SYN2: variants seen among roughly 807,000 people sequenced by gnomAD.
SYN2 encodes synapsin-2.
In SYN2, 19 loss-of-function variants were observed where a neutral mutation model predicts 50.9. The ratio of observed to expected loss-of-function variants is 0.37; its 90% confidence interval spans 0.26 to 0.55. The LOEUF (loss-of-function observed/expected upper bound fraction) is 0.55. Among genes scored for constraint, SYN2 ranks in the 20% least tolerant of loss-of-function variants. The pLI, the probability that SYN2 is intolerant of heterozygous loss-of-function variation, is 0.81. For synonymous variants in SYN2, 255 were observed against 224.9 expected, an observed-to-expected ratio of 1.13 and a Z score of -1.20; for missense variants, 587 against 576.4, an observed-to-expected ratio of 1.02 and a Z score of -0.19.
intron 1 of SYN2, among the ~76,000 whole-genome samples, chr3:12,023,433 T>G (rs1694188671): frequency 6.6e-6 from 1 of 151,924 alleles, no homozygotes. Flanking sequence ...GTGTAAGACT[T>G]CTTTAGCTTT....
chr3:12,124,822 G>C (rs1217253133), intron 1 of SYN2, among the ~76,000 whole-genome samples: 1 of 152,160 alleles, frequency 6.6e-6, no homozygotes, highest in Non-Finnish European at 1.5e-5. Context: ...TGTTAATTCA[G>C]AGTAGTTATC....
chr3:12,005,533 T>C (rs1693782705), intron 1 of SYN2, among the ~76,000 whole-genome samples: 1 of 150,960 alleles, frequency 6.6e-6, no homozygotes. Flanking sequence ...TTATGAATAA[T>C]AAAATTGTTG....
At chr3:12,082,557 C>G (rs1384225010) in intron 1 of SYN2, among the ~76,000 whole-genome samples, 1 of 152,208 alleles carries the variant, frequency 6.6e-6, no homozygotes, top group Non-Finnish European at 1.5e-5. Flanking sequence ...AAGGCCTTTC[C>G]AAAGTGCTAA....
chr3:12,129,636 C>T (rs943747357), intron 1 of SYN2, among the ~76,000 whole-genome samples: 1 of 152,072 alleles, frequency 6.6e-6, no homozygotes, highest in African/African-American at 2.4e-5. Context: ...ATGTAAATGG[C>T]TATTTGTTTT....
At chr3:12,111,874 G>T (rs1287153904) in intron 1 of SYN2, among the ~76,000 whole-genome samples, 1 of 152,124 alleles carries the variant, frequency 6.6e-6, no homozygotes, top group African/African-American at 2.4e-5. Context: ...GTATTATTTT[G>T]GGATGCCCAC....
intron 1 of SYN2, among the ~76,000 whole-genome samples, chr3:12,061,477 A>G (rs1357906538): frequency 1.3e-5 from 2 of 152,110 alleles, no homozygotes; most frequent in African/African-American, 4.8e-5. Context: ...CTTTCTCCCT[A>G]AGATTGAGAA....
chr3:12,020,250 T>G (rs932491802), intron 1 of SYN2, among the ~76,000 whole-genome samples: 1 of 152,184 alleles, frequency 6.6e-6, no homozygotes, highest in Non-Finnish European at 1.5e-5. Flanking sequence ...CAGAGTGGCA[T>G]CAGACTTAAA....
chr3:12,082,456 G>A (rs1477322787), intron 1 of SYN2, among the ~76,000 whole-genome samples: 1 of 152,202 alleles, frequency 6.6e-6, no homozygotes, highest in Non-Finnish European at 1.5e-5. Context: ...CTCAGATGCC[G>A]GCCAAAGGCC....
intron 1 of SYN2, among the ~76,000 whole-genome samples, chr3:12,042,247 C>T (rs975469847): frequency 2.0e-5 from 3 of 152,102 alleles, no homozygotes; most frequent in Non-Finnish European, 4.4e-5. Context: ...TCACAAAATG[C>T]TCTCACATTT....
chr3:12,170,284 C>T (rs963554334), intron 10 of SYN2, among the ~76,000 whole-genome samples: 1 of 152,230 alleles, frequency 6.6e-6, no homozygotes, highest in Non-Finnish European at 1.5e-5. Context: ...CTATTCACTG[C>T]TTCACTGTGT....
intron 1 of SYN2, among the ~76,000 whole-genome samples, chr3:12,093,749 T>G (rs1695875287): frequency 6.6e-6 from 1 of 152,232 alleles, no homozygotes; most frequent in Non-Finnish European, 1.5e-5. Flanking sequence ...GCTGATATCC[T>G]TACTCTATAT....
intron 2 of SYN2, among the ~76,000 whole-genome samples, chr3:12,141,090 A>G (rs1235213970): frequency 6.6e-6 from 1 of 152,186 alleles, no homozygotes; most frequent in African/African-American, 2.4e-5. Context: ...TCTGCCTTTC[A>G]GGTATGCTGC....
intron 1 of SYN2, among the ~76,000 whole-genome samples, chr3:12,022,712 C>G (rs1396214660): frequency 6.6e-6 from 1 of 151,020 alleles, no homozygotes; most frequent in African/African-American, 2.4e-5. Flanking sequence ...CTGGCCTATT[C>G]TTTAAATTTT....
At position 12,190,817 on chromosome 3, in the gene SYN2, C is replaced by T. The variant is rs1698431561; in HGVS notation, c.*192C>T. Reference sequence around the variant, plus strand: ...GACAGTCTCAGGGCAGGTGCCTACCCAGCAAGGGGTACCTGGCATCAGAGA... The same window carrying T: ...GACAGTCTCAGGGCAGGTGCCTACCTAGCAAGGGGTACCTGGCATCAGAGA... On this transcript the variant is annotated 3_prime_UTR_variant, in exon 13 of 13. Coordinates refer to ENST00000621198, the MANE Select transcript of SYN2 (RefSeq NM_133625.6). 3 of 1,351,296 alleles carry T rather than the reference C, an allele frequency of 2.2e-6. No individual in the cohort carries two copies. Among genetic ancestry groups the T allele is most frequent in the Non-Finnish European group, 2.8e-6 (3 of 1,058,888 alleles). 83.7% of individuals were successfully genotyped at this position (1,351,296 alleles called of 1,614,324 possible). A position where few individuals can be genotyped will look rare whatever the true frequency, so the allele number is the denominator to read the frequency against.
chr3:12,170,978 T>C (rs1574883324), intron 10 of SYN2, among the ~76,000 whole-genome samples: 1 of 152,234 alleles, frequency 6.6e-6, no homozygotes, highest in African/African-American at 2.4e-5. Flanking sequence ...CCCACTGATA[T>C]CTAGAGACCT....
chr3:12,171,284 C>T (rs1215573412), intron 10 of SYN2, among the ~76,000 whole-genome samples: 1 of 152,080 alleles, frequency 6.6e-6, no homozygotes, highest in African/African-American at 2.4e-5. Context: ...AAAAAAATAT[C>T]AGGCCTATGG....
chr3:12,161,972 G>A lies in SYN2; in HGVS notation c.838-40G>A, dbSNP rs1394596698. ...GTGACTTCTCAGTGTGTGTATGTGT[G>A]TGTCTCCCTTTCCCCCTTTCTGCCC... On this transcript the variant is annotated intron_variant, in intron 6 of 12. Coordinates refer to ENST00000621198, the MANE Select transcript of SYN2 (RefSeq NM_133625.6). 4.3e-6 allele frequency: 7 copies of A among 1,610,998 alleles called. No homozygotes were observed. In the Admixed American group the frequency reaches 6.7e-5, roughly 15 times the overall value.
chr3:12,123,404 A>G (rs1447411059), intron 1 of SYN2, among the ~76,000 whole-genome samples: 1 of 152,212 alleles, frequency 6.6e-6, no homozygotes, highest in Non-Finnish European at 1.5e-5. Flanking sequence ...GCAAAGGAAT[A>G]TTGTCCTCAA....
intron 10 of SYN2, among the ~76,000 whole-genome samples, chr3:12,182,841 T>C (rs1049340605): frequency 2.6e-5 from 4 of 152,230 alleles, no homozygotes; most frequent in African/African-American, 9.6e-5. Flanking sequence ...ACTCCTCCCC[T>C]GCCCTCCTGC....
Sources: gnomAD v4.1 joint callset for allele counts (sites outside exome capture counted in the v4.1 genomes callset) on GRCh38, gnomAD v4.1.1 for gene constraint, MANE v1.5 for transcripts, NCBI Gene and HGNC (gene_info 2026-07-23, HGNC 2026-07-21) for gene names.